Variants in ZMYM2 observed in about 807,000 individuals in gnomAD.
The protein encoded by ZMYM2 is zinc finger MYM-type containing 2.
ZMYM2 carries 56 observed loss-of-function variants against 162.8 expected under a neutral mutation model. That is an observed-to-expected ratio of 0.34 (90% CI 0.28 to 0.43). The LOEUF is 0.43. ZMYM2 is among the 20% of genes least tolerant of loss of function. The pLI is 1.00. For synonymous variants in ZMYM2, 510 were observed against 541.6 expected (o/e 0.94, Z 0.81); for missense variants, 1,275 against 1,621.8 (o/e 0.79, Z 3.67).
the ZMYM2 span, among the ~76,000 whole-genome samples, chr13:19,916,312 C>G: frequency 6.6e-6 from 1 of 152,122 alleles, no homozygotes; most frequent in Non-Finnish European, 1.5e-5. Context: ...GGCGATTCCT[C>G]AAGGATCTAG....
chr13:19,908,204 C>T, the ZMYM2 span, among the ~76,000 whole-genome samples: 1 of 152,060 alleles, frequency 6.6e-6, no homozygotes, highest in Non-Finnish European at 1.5e-5. Flanking sequence ...AGGAGAATCT[C>T]TTGAACCCAG....
chr13:20,082,700 AT>A, intron 22 of ZMYM2, 80 bp from the exon 23 acceptor site: 4 of 1,232,744 alleles, frequency 3.2e-6, no homozygotes, highest in Non-Finnish European at 4.4e-6. Flanking sequence ...TTGTCCTTAA[AT>A]TAACTGTGTC....
the ZMYM2 span, among the ~76,000 whole-genome samples, chr13:19,865,685 G>A: frequency 2.0e-5 from 3 of 152,134 alleles, no homozygotes; most frequent in Non-Finnish European, 4.4e-5. Flanking sequence ...CATTGATACT[G>A]TTCAAAGATT....
At chr13:19,895,640 T>G in the ZMYM2 span, among the ~76,000 whole-genome samples, 1 of 151,756 alleles carries the variant, frequency 6.6e-6, no homozygotes, top group Non-Finnish European at 1.5e-5. Context: ...AATCCATGGA[T>G]AGATGAATCC....
At chr13:19,966,350 T>G (rs546101218) in intron 2 of ZMYM2, among the ~76,000 whole-genome samples, 3 of 151,502 alleles carry the variant, frequency 2.0e-5, no homozygotes, top group African/African-American at 7.3e-5. Flanking sequence ...GTGAGGCTGG[T>G]CTTGAACTCC....
chr13:19,971,385 C>G (rs1366212569), intron 2 of ZMYM2, among the ~76,000 whole-genome samples: 1 of 149,660 alleles, frequency 6.7e-6, no homozygotes, highest in Non-Finnish European at 1.5e-5. Context: ...AATCTCCTAT[C>G]TCAGCCTCCC....
chr13:20,024,296 GATGTC>G (rs1194502930), intron 7 of ZMYM2: 7 of 191,156 alleles, frequency 3.7e-5, no homozygotes, highest in Non-Finnish European at 6.6e-5. Context: ...ATGTTTACTT[GATGTC>G]TTAAAACTGT....
rs1566488240 is a variant in ZMYM2, at chr13:20,086,761, A to ATC, written c.*748_*749insCT. On this transcript the variant is annotated 3_prime_UTR_variant, in exon 25 of 25. Transcript: ENST00000610343. The stretch of plus-strand genomic sequence containing the variant: ...TATATATATGTATATATATGTATGT[A>ATC]TGTGTGTGTGTATATATATATATAT... 3 of 116,126 alleles carry ATC rather than the reference A, an allele frequency of 2.6e-5. No individual in the cohort carries two copies. The highest frequency in any genetic ancestry group is 6.7e-5 in the African/African-American group (2 of 29,678). 7.2% of individuals were successfully genotyped at this position (116,126 alleles called of 1,614,324 possible). A position where few individuals can be genotyped will look rare whatever the true frequency, so the allele number is the denominator to read the frequency against.
intron 8 of ZMYM2, 57 bp downstream of exon 8, chr13:20,026,819 A>G (rs905928812): frequency 6.7e-7 from 1 of 1,503,404 alleles, no homozygotes. Context: ...TAATTTTTGC[A>G]TAAATACTCA....
intron 4 of ZMYM2, among the ~76,000 whole-genome samples, chr13:20,003,511 T>C (rs1435219941): frequency 6.6e-6 from 1 of 152,246 alleles, no homozygotes; most frequent in Non-Finnish European, 1.5e-5. Flanking sequence ...CTTTGGATTT[T>C]ATATGTGTTT....
chr13:20,016,419 C>T (rs976425426), intron 6 of ZMYM2, among the ~76,000 whole-genome samples: 8 of 152,046 alleles, frequency 5.3e-5, no homozygotes, highest in Non-Finnish European at 8.8e-5. Context: ...AGCAAAAATA[C>T]AATTATACTT....
chr13:20,010,260 A>T (rs1286049394), intron 6 of ZMYM2, among the ~76,000 whole-genome samples: 1 of 152,160 alleles, frequency 6.6e-6, no homozygotes, highest in Admixed American at 6.5e-5. Context: ...CAGGTGCACA[A>T]TCTTGGCTCA....
chr13:19,949,370 C>T, the ZMYM2 span, among the ~76,000 whole-genome samples: 9 of 152,118 alleles, frequency 5.9e-5, no homozygotes, highest in Non-Finnish European at 1.0e-4. Context: ...GCCGAGATCA[C>T]GCCACTGCAC....
At chr13:20,050,042 A>G (rs1403919646) in intron 12 of ZMYM2, among the ~76,000 whole-genome samples, 1 of 152,012 alleles carries the variant, frequency 6.6e-6, no homozygotes, top group Non-Finnish European at 1.5e-5. Context: ...ATTGAGTGAA[A>G]ATATGATCTT....
Position 20,002,832 on chromosome 13 carries a change from GT to G in ZMYM2, c.848-17del. ...AACACTTGTTTCATTATTCTTTCTT[GT>G]GCATTTTGTTTTTAAGATTCTTGGA... On this transcript the variant is annotated splice_polypyrimidine_tract_variant and intron_variant, in intron 3 of 24. Transcript: ENST00000610343. 6.2e-7 allele frequency: 1 copy of G among 1,608,190 alleles called. No homozygotes were observed. Among genetic ancestry groups the G allele is most frequent in the Non-Finnish European group, 8.5e-7 (1 of 1,176,510 alleles).
intron 11 of ZMYM2, among the ~76,000 whole-genome samples, chr13:20,035,787 G>A (rs1953637019): frequency 6.6e-6 from 1 of 152,018 alleles, no homozygotes; most frequent in African/African-American, 2.4e-5. Context: ...CTAGTTCTCT[G>A]CTAGAACCTG....
At chr13:20,010,807 A>AT (rs149524121) in intron 6 of ZMYM2, among the ~76,000 whole-genome samples, 13,305 of 151,848 alleles carry the variant, frequency 0.088, 854 homozygotes, top group African/African-American at 0.17. Context: ...CACCTGGCTA[A>AT]TTTTTGTATT....
chr13:20,011,409 A>C (rs182503710), intron 6 of ZMYM2, among the ~76,000 whole-genome samples: 1 of 152,192 alleles, frequency 6.6e-6, no homozygotes, highest in Non-Finnish European at 1.5e-5. Context: ...TCCTTTGAGC[A>C]TCATGTTGGT....
At chr13:19,941,691 A>G in the ZMYM2 span, among the ~76,000 whole-genome samples, 1 of 150,134 alleles carries the variant, frequency 6.7e-6, no homozygotes, top group Admixed American at 6.7e-5. Flanking sequence ...TTCTGGGTAC[A>G]GAAACAACTC....
Sources: gnomAD v4.1 joint callset for allele counts (sites outside exome capture counted in the v4.1 genomes callset) on GRCh38, gnomAD v4.1.1 for gene constraint, MANE v1.5 for transcripts, NCBI Gene and HGNC (gene_info 2026-07-23, HGNC 2026-07-21) for gene names.